FGGY: variants seen among roughly 807,000 people sequenced by gnomAD.
FGGY encodes the protein FGGY carbohydrate kinase domain-containing protein.
FGGY carries 72 observed loss-of-function variants against 71.3 expected under a neutral mutation model. The observed-to-expected ratio is 1.01, with a 90% CI of 0.84 to 1.23. FGGY has a LOEUF of 1.23. Ranked by LOEUF, FGGY falls within the 50% of genes most tolerant of loss-of-function variation. The probability of loss-of-function intolerance (pLI) is 0.00; values close to 1 mark genes in which losing one functional copy is unlikely to be tolerated. For missense variants in FGGY, 668 were observed against 682.3 expected (o/e 0.98, Z 0.23); for synonymous variants, 251 against 250.3 (o/e 1.00, Z -0.02).
chr1:59,332,332 A>G (rs1230499025), intron 2 of FGGY, among the ~76,000 whole-genome samples: 1 of 152,180 alleles, frequency 6.6e-6, no homozygotes, highest in East Asian at 1.9e-4. Flanking sequence ...TCTTGATTCC[A>G]AGCTGTTACA....
At chr1:59,454,009 A>T (rs748769380) in intron 5 of FGGY, among the ~76,000 whole-genome samples, 2 of 152,134 alleles carry the variant, frequency 1.3e-5, no homozygotes, top group African/African-American at 2.4e-5. Flanking sequence ...TAAACTTACA[A>T]TGGTACCTCA....
intron 14 of FGGY, among the ~76,000 whole-genome samples, chr1:59,688,751 AT>A (rs11286707): frequency 0.98 from 134,673 of 137,340 alleles, 66,021 homozygotes; most frequent in East Asian, 0.99. Flanking sequence ...GTTTTTTAGA[AT>A]TTTTTTTTTT....
chr1:59,479,762 C>T (rs1031722464), intron 6 of FGGY, among the ~76,000 whole-genome samples: 2 of 152,124 alleles, frequency 1.3e-5, no homozygotes, highest in Non-Finnish European at 2.9e-5. Flanking sequence ...GATTATCAAA[C>T]GGTACACAGA....
chr1:59,524,101 C>T (rs1268469419), intron 7 of FGGY, among the ~76,000 whole-genome samples: 1 of 152,260 alleles, frequency 6.6e-6, no homozygotes, highest in East Asian at 1.9e-4. Flanking sequence ...ATGCTTGCTC[C>T]TACTCCCTGG....
chr1:59,627,489 T>TATATATATATAC (rs1469493501), intron 10 of FGGY, among the ~76,000 whole-genome samples: 23 of 92,768 alleles, frequency 2.5e-4, no homozygotes, highest in South Asian at 7.5e-4. Flanking sequence ...TATATATATA[T>TATATATATATAC]ACACACACAC....
intron 8 of FGGY, among the ~76,000 whole-genome samples, chr1:59,555,344 C>A (rs1050363094): frequency 1.3e-5 from 2 of 152,174 alleles, no homozygotes; most frequent in African/African-American, 4.8e-5. Flanking sequence ...CGAGTGGTTT[C>A]CAGTCCCACT....
intron 7 of FGGY, among the ~76,000 whole-genome samples, chr1:59,551,141 T>C (rs190669693): frequency 1.6e-4 from 24 of 152,274 alleles, no homozygotes; most frequent in Non-Finnish European, 2.8e-4. Flanking sequence ...GTGATGATGG[T>C]GACAGAGCTA....
chr1:59,684,742 G>T (rs1459880778), intron 14 of FGGY, among the ~76,000 whole-genome samples: 1 of 152,142 alleles, frequency 6.6e-6, no homozygotes, highest in Non-Finnish European at 1.5e-5. Context: ...AAGTCACCTT[G>T]CTGAACCTCA....
At position 59,361,219 on chromosome 1, in the gene FGGY, A is replaced by T. The variant is rs370591766; in HGVS notation, c.465+14821A>T. Among the ~76,000 whole-genome samples the T allele has an allele frequency of 6.6e-5, 10 of 152,216 alleles. No individual in the cohort carries two copies. In the East Asian group the frequency reaches 1.2e-3, roughly 18 times the overall value. On this transcript the variant is annotated intron_variant, in intron 4 of 15. Coordinates refer to ENST00000303721, the MANE Select transcript of FGGY (RefSeq NM_018291.5). ...TTCATTCAGCAAATATTTATTGAAAATTTGTTTTGTTCCAGACACTTTGTT... is the reference window on the plus strand; with the variant it reads ...TTCATTCAGCAAATATTTATTGAAATTTTGTTTTGTTCCAGACACTTTGTT...
intron 6 of FGGY, 61 bp from the exon 7 acceptor site, chr1:59,512,250 C>G (rs1314721715): frequency 7.9e-6 from 12 of 1,513,254 alleles, no homozygotes; most frequent in Non-Finnish European, 1.1e-5. Flanking sequence ...TAAAAAAAAC[C>G]CTCTGTTTAC....
intron 8 of FGGY, among the ~76,000 whole-genome samples, chr1:59,572,882 A>C (rs563794728): frequency 9.9e-5 from 15 of 152,256 alleles, no homozygotes; most frequent in Admixed American, 4.6e-4. Flanking sequence ...ACTAGAGAGA[A>C]ACATTTTTGG....
chr1:59,664,029 TTCTC>T (rs1284029902), intron 12 of FGGY, among the ~76,000 whole-genome samples: 1 of 152,150 alleles, frequency 6.6e-6, no homozygotes, highest in Non-Finnish European at 1.5e-5. Context: ...TGAAGTAAAA[TTCTC>T]TCTTGATCAT....
intron 5 of FGGY, among the ~76,000 whole-genome samples, chr1:59,451,652 T>C (rs550106420): frequency 2.0e-5 from 3 of 152,244 alleles, no homozygotes; most frequent in African/African-American, 4.8e-5. Flanking sequence ...TCTGAATCAA[T>C]TGTTATTTGG....
At chr1:59,426,155 C>A (rs1436273197) in intron 5 of FGGY, among the ~76,000 whole-genome samples, 1 of 152,164 alleles carries the variant, frequency 6.6e-6, no homozygotes, top group Non-Finnish European at 1.5e-5. Context: ...TCTACCTGAG[C>A]TTCCAGCACC....
intron 6 of FGGY, among the ~76,000 whole-genome samples, chr1:59,506,008 C>T (rs1264476295): frequency 6.6e-6 from 1 of 152,070 alleles, no homozygotes; most frequent in Non-Finnish European, 1.5e-5. Context: ...CCTAAGAGCT[C>T]TCAGAGTGAT....
intron 1 of FGGY, among the ~76,000 whole-genome samples, chr1:59,300,482 T>C (rs2042593929): frequency 5.9e-5 from 9 of 152,234 alleles, no homozygotes; most frequent in Admixed American, 4.6e-4. Flanking sequence ...TGATGAAGTC[T>C]AATTTATAAT....
intron 5 of FGGY, among the ~76,000 whole-genome samples, chr1:59,417,167 C>T (rs924572695): frequency 6.6e-6 from 1 of 152,170 alleles, no homozygotes; most frequent in African/African-American, 2.4e-5. Flanking sequence ...TACTTTCTTT[C>T]TCTATGGATT....
At position 59,373,568 on chromosome 1, in the gene FGGY, T is replaced by C. The variant is rs1043433199; in HGVS notation, c.466-5181T>C. On this transcript the variant is annotated intron_variant, in intron 4 of 15. Coordinates refer to ENST00000303721, the MANE Select transcript of FGGY (RefSeq NM_018291.5). Reference sequence around the variant, plus strand: ...TTGGAAAAAACTACTTTAAAGTTCATATGGAACCAAAAAAGAGCCCGCATC... The same window carrying C: ...TTGGAAAAAACTACTTTAAAGTTCACATGGAACCAAAAAAGAGCCCGCATC... Among the ~76,000 whole-genome samples the C allele has an allele frequency of 6.1e-4, 93 of 152,212 alleles. 1 individual carries two copies. Among genetic ancestry groups the C allele is most frequent in the African/African-American group, 2.1e-3 (88 of 41,534 alleles).
At chr1:59,455,739 C>T (rs564031078) in intron 5 of FGGY, among the ~76,000 whole-genome samples, 1 of 152,298 alleles carries the variant, frequency 6.6e-6, no homozygotes, top group Non-Finnish European at 1.5e-5. Flanking sequence ...ATACTCCATG[C>T]TCTGGGAAAT....
Sources: gnomAD v4.1 joint callset for allele counts (sites outside exome capture counted in the v4.1 genomes callset) on GRCh38, gnomAD v4.1.1 for gene constraint, MANE v1.5 for transcripts, NCBI Gene and HGNC (gene_info 2026-07-23, HGNC 2026-07-21) for gene names.